The following TCF7L1 variants were observed in gnomAD, a reference collection of about 807,000 sequenced individuals.
TCF7L1 encodes the protein transcription factor 7 like 1.
Under a neutral mutation model 63.7 loss-of-function variants are expected in TCF7L1, and 18 were observed. The observed-to-expected ratio is 0.28, with a 90% CI of 0.20 to 0.42. TCF7L1 has a LOEUF of 0.42. TCF7L1 is among the 10% of genes least tolerant of loss of function. The probability of loss-of-function intolerance (pLI) is 1.00; values close to 1 mark genes in which losing one functional copy is unlikely to be tolerated. For synonymous variants in TCF7L1, 355 were observed against 340.9 expected, an observed-to-expected ratio of 1.04 and a Z score of -0.46; for missense variants, 654 against 779.3, an observed-to-expected ratio of 0.84 and a Z score of 1.91.
intron 3 of TCF7L1, among the ~76,000 whole-genome samples, chr2:85,212,900 G>A (rs1679607229): frequency 6.6e-6 from 1 of 152,110 alleles, no homozygotes; most frequent in Admixed American, 6.5e-5. Context: ...ACCCTTCTGT[G>A]TCATTACGGG....
At chr2:85,293,070 C>T (rs907044966) in intron 4 of TCF7L1, among the ~76,000 whole-genome samples, 6 of 152,236 alleles carry the variant, frequency 3.9e-5, no homozygotes, top group African/African-American at 1.4e-4. Flanking sequence ...ATGTCCTTCT[C>T]ATGGCATGTG....
chr2:85,252,000 A>G (rs1024317117), intron 3 of TCF7L1, among the ~76,000 whole-genome samples: 1 of 152,148 alleles, frequency 6.6e-6, no homozygotes, highest in African/African-American at 2.4e-5. Context: ...ACTTGAACCC[A>G]GGAGGTCGAG....
intron 3 of TCF7L1, among the ~76,000 whole-genome samples, chr2:85,276,544 C>T (rs953749122): frequency 1.3e-5 from 2 of 152,176 alleles, no homozygotes; most frequent in East Asian, 1.9e-4. Flanking sequence ...CGTGTCTCCC[C>T]GTCTCCATTC....
At chr2:85,260,362 C>T (rs895704689) in intron 3 of TCF7L1, among the ~76,000 whole-genome samples, 5 of 151,630 alleles carry the variant, frequency 3.3e-5, no homozygotes, top group South Asian at 4.2e-4. Flanking sequence ...CGTGGCCGGA[C>T]GCAGTGGCTC....
chr2:85,154,404 G>A (rs1049982476), intron 3 of TCF7L1, among the ~76,000 whole-genome samples: 11 of 152,194 alleles, frequency 7.2e-5, no homozygotes, highest in African/African-American at 2.7e-4. Flanking sequence ...GGTAGAACGT[G>A]CTGGGCTTCA....
intron 3 of TCF7L1, among the ~76,000 whole-genome samples, chr2:85,218,648 GAA>G (rs138080387): frequency 2.3e-3 from 353 of 150,464 alleles, no homozygotes; most frequent in African/African-American, 7.7e-3. Context: ...ATGGGGGGGG[GAA>G]AACTGGTGAT....
intron 4 of TCF7L1, among the ~76,000 whole-genome samples, chr2:85,302,002 C>G (rs1391115428): frequency 6.6e-6 from 1 of 152,008 alleles, no homozygotes; most frequent in African/African-American, 2.4e-5. Context: ...ATGGCAGACG[C>G]CTGTAATCCC....
At chr2:85,186,210 G>A (rs1409859554) in intron 3 of TCF7L1, among the ~76,000 whole-genome samples, 1 of 151,950 alleles carries the variant, frequency 6.6e-6, no homozygotes, top group African/African-American at 2.4e-5. Flanking sequence ...CTCGTGATCC[G>A]CCTGCCTCGG....
In TCF7L1 at chr2:85,134,582, A is replaced by G; in HGVS notation, c.441+132A>G. 3 of 1,302,304 alleles carry G rather than the reference A, an allele frequency of 2.3e-6. No individual in the cohort carries two copies. The highest frequency in any genetic ancestry group is 2.0e-6 in the Non-Finnish European group (2 of 975,758). 80.7% of individuals were successfully genotyped at this position (1,302,304 alleles called of 1,614,324 possible). ...AAGCAGAACTTGTTTGCGGAGTTGA[A>G]CTACTCTCTGGCGGCCGAGCGCGAG... On this transcript the variant is annotated intron_variant, in intron 3 of 11. Coordinates refer to ENST00000282111, the MANE Select transcript of TCF7L1 (RefSeq NM_031283.3). This position sits in a 1 kb window ranked among gnomAD's most constrained non-coding sequence, Gnocchi z 5.0.
At chr2:85,200,989 T>TCGGG (rs1679257006) in intron 3 of TCF7L1, among the ~76,000 whole-genome samples, 1 of 152,064 alleles carries the variant, frequency 6.6e-6, no homozygotes. Context: ...TTACCTGAGG[T>TCGGG]CGGGAGTTCA....
At chr2:85,239,724 C>G (rs1573005126) in intron 3 of TCF7L1, among the ~76,000 whole-genome samples, 1 of 152,270 alleles carries the variant, frequency 6.6e-6, no homozygotes, top group South Asian at 2.1e-4. Context: ...AGGCAGATCA[C>G]TTGAGGTCAG....
chr2:85,280,095 A>G (rs189044477), intron 3 of TCF7L1, among the ~76,000 whole-genome samples: 201 of 152,260 alleles, frequency 1.3e-3, no homozygotes, highest in African/African-American at 4.6e-3. Flanking sequence ...ACAAACCCTC[A>G]TGGAGCTTGC....
chr2:85,286,887 A>G (rs1427752106), intron 4 of TCF7L1, among the ~76,000 whole-genome samples: 2 of 152,132 alleles, frequency 1.3e-5, no homozygotes, highest in East Asian at 3.9e-4. Flanking sequence ...GCAGTGAGCC[A>G]TGATTGTGCC....
At chr2:85,157,119 T>C (rs1206491380) in intron 3 of TCF7L1, among the ~76,000 whole-genome samples, 1 of 152,218 alleles carries the variant, frequency 6.6e-6, no homozygotes, top group Non-Finnish European at 1.5e-5. Flanking sequence ...ATATATTTAT[T>C]TACTGGAAGA....
chr2:85,226,736 C>T (rs891735850), intron 3 of TCF7L1, among the ~76,000 whole-genome samples: 7 of 151,878 alleles, frequency 4.6e-5, no homozygotes, highest in Non-Finnish European at 8.8e-5. Context: ...TCTCAGAACA[C>T]AGTTTGTGGT....
intron 3 of TCF7L1, among the ~76,000 whole-genome samples, chr2:85,145,875 T>C (rs1677869061): frequency 6.6e-6 from 1 of 152,126 alleles, no homozygotes; most frequent in South Asian, 2.1e-4. Flanking sequence ...TTTTATTTTT[T>C]GTTTATTTAA....
chr2:85,171,715 T>A (rs1574089468), intron 3 of TCF7L1, among the ~76,000 whole-genome samples: 1 of 152,256 alleles, frequency 6.6e-6, no homozygotes, highest in Non-Finnish European at 1.5e-5. Flanking sequence ...GGGCTTGGAG[T>A]TGACCATCTC....
intron 3 of TCF7L1, among the ~76,000 whole-genome samples, chr2:85,228,338 T>A (rs1427835574): frequency 1.3e-5 from 2 of 152,098 alleles, no homozygotes; most frequent in African/African-American, 4.8e-5. Flanking sequence ...GGAGGATCCC[T>A]TGAGACTAGG....
At chr2:85,226,142 G>C (rs1000375821) in intron 3 of TCF7L1, among the ~76,000 whole-genome samples, 6 of 152,208 alleles carry the variant, frequency 3.9e-5, no homozygotes, top group Non-Finnish European at 1.5e-5. Context: ...GATTGTGGTA[G>C]ATAAGCTTTC....
Sources: gnomAD v4.1 joint callset for allele counts (sites outside exome capture counted in the v4.1 genomes callset) on GRCh38, gnomAD v4.1.1 for gene constraint, Gnocchi (gnomAD v3.1) non-coding constraint, MANE v1.5 for transcripts, NCBI Gene and HGNC (gene_info 2026-07-23, HGNC 2026-07-21) for gene names.